The following PHF21B variants were observed in gnomAD, a reference collection of about 807,000 sequenced individuals.
The protein encoded by PHF21B is PHD finger protein 21B, also known as PHD finger protein 4.
In PHF21B, 22 loss-of-function variants were observed where a neutral mutation model predicts 62.2. That is an observed-to-expected ratio of 0.35 (90% CI 0.25 to 0.51). PHF21B has a LOEUF of 0.51. Among genes scored for constraint, PHF21B ranks in the 20% least tolerant of loss-of-function variants. The probability of loss-of-function intolerance (pLI) is 0.97; values close to 1 mark genes in which losing one functional copy is unlikely to be tolerated. For synonymous variants in PHF21B, 341 were observed against 314.7 expected (o/e 1.08, Z -0.88); for missense variants, 701 against 707.9 (o/e 0.99, Z 0.11).
At chr22:44,891,259 C>G (rs759752271) in intron 8 of PHF21B, 47 bp downstream of exon 8, 1 of 1,603,854 alleles carries the variant, frequency 6.2e-7, no homozygotes, top group Non-Finnish European at 8.5e-7. Context: ...GGATGACTCC[C>G]CGCGGCCCTG....
intron 2 of PHF21B, among the ~76,000 whole-genome samples, chr22:44,943,253 T>A (rs565651038): frequency 6.6e-6 from 1 of 152,264 alleles, no homozygotes; most frequent in African/African-American, 2.4e-5. Flanking sequence ...ACACAGTCCC[T>A]GTGCCTGTCC....
In PHF21B at chr22:45,008,905, AGTGT is replaced by A. The variant is rs1264850636; in HGVS notation, c.55-299_55-296del. ...GCAGGCCGGGGTGCGTGTGCGAGTGAGTGTGAGTGTGAGTGTGTGCCGGGGGAGG... is the reference window on the plus strand; with the variant it reads ...GCAGGCCGGGGTGCGTGTGCGAGTGAGAGTGTGAGTGTGTGCCGGGGGAGG... On this transcript the variant is annotated intron_variant, in intron 1 of 12. Transcript: ENST00000313237. 337 of 1,123,492 alleles carry A rather than the reference AGTGT, an allele frequency of 3.0e-4. 2 individuals carry two copies. The South Asian group carries it at 6.5e-3, about 22-fold the overall frequency. 69.6% of individuals were successfully genotyped at this position (1,123,492 alleles called of 1,614,324 possible).
intron 2 of PHF21B, among the ~76,000 whole-genome samples, chr22:44,987,308 A>G (rs1023264133): frequency 6.6e-6 from 1 of 150,382 alleles, no homozygotes. Context: ...CAAAGAGGTG[A>G]GAAGGAAGGC....
chr22:44,933,543 C>A, intron 2 of PHF21B: 1 of 985,430 alleles, frequency 1.0e-6, no homozygotes, highest in Middle Eastern at 5.2e-4. Flanking sequence ...CAGAAGTGAG[C>A]ATCAGAACGT....
intron 2 of PHF21B, among the ~76,000 whole-genome samples, chr22:44,961,257 A>AT (rs1280446170): frequency 4.6e-5 from 7 of 151,882 alleles, no homozygotes; most frequent in Admixed American, 6.6e-5. Flanking sequence ...GCCCAGACTG[A>AT]TTTTTTATAC....
At chr22:44,915,752 G>A (rs528109647) in intron 4 of PHF21B, among the ~76,000 whole-genome samples, 72 of 152,310 alleles carry the variant, frequency 4.7e-4, no homozygotes, top group South Asian at 1.0e-3. Context: ...AGGCAGCCCC[G>A]AAGGCCTCAA....
intron 2 of PHF21B, among the ~76,000 whole-genome samples, chr22:44,964,712 C>T (rs913830097): frequency 6.6e-6 from 1 of 152,220 alleles, no homozygotes; most frequent in Non-Finnish European, 1.5e-5. Flanking sequence ...TTCATTCATT[C>T]ACTCATTCAT....
intron 5 of PHF21B, 152 bp downstream of exon 5, chr22:44,913,670 G>T (rs555695102): frequency 1.1e-5 from 12 of 1,121,534 alleles, no homozygotes; most frequent in Middle Eastern, 3.0e-4. Flanking sequence ...TGCTTGGCGA[G>T]GCCCCATCCT....
chr22:44,971,362 T>C (rs1031171192), intron 2 of PHF21B: 7 of 152,200 alleles, frequency 4.6e-5, no homozygotes, highest in East Asian at 3.9e-4. Flanking sequence ...TGATAAAGCA[T>C]TGGTGCCTGG....
At chr22:44,940,621 G>A (rs2071937454) in intron 2 of PHF21B, among the ~76,000 whole-genome samples, 1 of 152,212 alleles carries the variant, frequency 6.6e-6, no homozygotes, top group South Asian at 2.1e-4. Context: ...GAGGATAAGA[G>A]AACACTGCTC....
At chr22:44,914,325 A>G (rs1271736471) in intron 4 of PHF21B, among the ~76,000 whole-genome samples, 1 of 152,136 alleles carries the variant, frequency 6.6e-6, no homozygotes, top group African/African-American at 2.4e-5. Context: ...CTGGTTTAGG[A>G]ACTGGGAAGG....
At chr22:44,930,266 G>A (rs2071714539) in intron 2 of PHF21B, among the ~76,000 whole-genome samples, 2 of 152,222 alleles carry the variant, frequency 1.3e-5, no homozygotes, top group Admixed American at 1.3e-4. Context: ...GGGAGAGGGA[G>A]AGGAGGAAGC....
chr22:44,946,225 C>T (rs894755257), intron 2 of PHF21B, among the ~76,000 whole-genome samples: 2 of 152,028 alleles, frequency 1.3e-5, no homozygotes, highest in African/African-American at 2.4e-5. Flanking sequence ...ACTTCTGGGG[C>T]TCGGGGTGGG....
intron 2 of PHF21B, among the ~76,000 whole-genome samples, chr22:44,978,081 G>GT (rs2072771755): frequency 6.6e-6 from 1 of 152,038 alleles, no homozygotes; most frequent in Non-Finnish European, 1.5e-5. Context: ...ACATTCTGTT[G>GT]TATTTCATTT....
chr22:44,960,754 A>G (rs1226282414), intron 2 of PHF21B, among the ~76,000 whole-genome samples: 3 of 152,172 alleles, frequency 2.0e-5, no homozygotes, highest in African/African-American at 7.2e-5. Flanking sequence ...TGTCTCAGTA[A>G]GAGAAGTCCT....
chr22:44,889,988 AGGGC>A, intron 8 of PHF21B, among the ~76,000 whole-genome samples: 1 of 146,854 alleles, frequency 6.8e-6, no homozygotes, highest in Non-Finnish European at 1.5e-5. Flanking sequence ...ATCTTACCCC[AGGGC>A]ATGATGGGAA....
intron 2 of PHF21B, among the ~76,000 whole-genome samples, chr22:44,963,234 AG>A (rs1379677940): frequency 2.0e-5 from 3 of 152,134 alleles, no homozygotes; most frequent in Admixed American, 2.0e-4. Context: ...TCACTGCAGC[AG>A]CCCCGAGGGC....
At chr22:44,913,768 G>A (rs1347479828) in intron 5 of PHF21B, 54 bp downstream of exon 5, 93 of 1,560,120 alleles carry the variant, frequency 6.0e-5, no homozygotes, top group Non-Finnish European at 7.5e-5. Flanking sequence ...AGCGGCCTCA[G>A]ATGGCACCTG....
intron 10 of PHF21B, among the ~76,000 whole-genome samples, chr22:44,887,754 CAA>C (rs59049105): frequency 0.097 from 6,983 of 72,004 alleles, 146 homozygotes; most frequent in South Asian, 0.16. Flanking sequence ...GACTCTGTCT[CAA>C]AAAAAAAAAA....
Sources: gnomAD v4.1 joint callset for allele counts (sites outside exome capture counted in the v4.1 genomes callset) on GRCh38, gnomAD v4.1.1 for gene constraint, MANE v1.5 for transcripts, NCBI Gene and HGNC (gene_info 2026-07-23, HGNC 2026-07-21) for gene names.